EGFR: variants seen among roughly 807,000 people sequenced by gnomAD.
EGFR encodes the protein epidermal growth factor receptor.
In EGFR, 58 loss-of-function variants were observed where a neutral mutation model predicts 143.0. The ratio of observed to expected loss-of-function variants is 0.41; its 90% confidence interval spans 0.33 to 0.50. The LOEUF (loss-of-function observed/expected upper bound fraction) is 0.50. Ranked by LOEUF, EGFR falls within the 20% of genes least tolerant of loss-of-function variation. EGFR has a pLI of 0.39. For missense variants in EGFR, 1,307 were observed against 1,579.0 expected (o/e 0.83, Z 2.92); for synonymous variants, 613 against 594.4 (o/e 1.03, Z -0.45).
intron 1 of EGFR, among the ~76,000 whole-genome samples, chr7:55,033,190 T>C (rs1787361689): frequency 1.3e-5 from 2 of 152,226 alleles, no homozygotes; most frequent in Non-Finnish European, 2.9e-5. Flanking sequence ...ACTCTCTATT[T>C]TGAGGGTAAA....
rs1785633400 is a variant in EGFR at position 55,160,321 on chromosome 7, G to A, written c.1481G>A (p.Arg494Lys). 2.5e-6 allele frequency: 4 copies of A among 1,613,240 alleles called. No individual in the cohort carries two copies. Among genetic ancestry groups the A allele is most frequent in the Admixed American group, 3.3e-5 (2 of 60,002 alleles). Residue 494 changes from arginine (R) to lysine (K), a missense_variant, in exon 12 of 28, where the codon AGA becomes AAA. This residue lies in a region of EGFR where 250 missense variants were observed against 295.1 expected (regional missense o/e 0.85). Coordinates refer to ENST00000275493, the MANE Select transcript of EGFR (RefSeq NM_005228.5). ...SGQKTKIISNRGENSCKATGQ... is the reference protein window; with the variant it reads ...SGQKTKIISNKGENSCKATGQ... ...CAGAAAACCAAAATTATAAGCAACAGAGGTGAAAACAGCTGCAGTAAGTCA... is the reference window on the plus strand; with the variant it reads ...CAGAAAACCAAAATTATAAGCAACAAAGGTGAAAACAGCTGCAGTAAGTCA...
intron 20 of EGFR, 179 bp downstream of exon 20, chr7:55,181,657 C>T (rs1442191218): frequency 2.7e-6 from 2 of 727,656 alleles, no homozygotes; most frequent in East Asian, 2.7e-5. Flanking sequence ...CAAATCAGTG[C>T]CTGTCCCATC....
At chr7:55,181,239 C>G (rs2128958079) in intron 19 of EGFR, 54 bp from the exon 20 acceptor site, 8 of 1,601,118 alleles carry the variant, frequency 5.0e-6, no homozygotes, top group Non-Finnish European at 6.8e-6. Context: ...TCCATGTGCC[C>G]CTCCTTCTGG....
chr7:55,111,635 C>T (rs562221605), intron 1 of EGFR, among the ~76,000 whole-genome samples: 22 of 152,204 alleles, frequency 1.4e-4, no homozygotes, highest in African/African-American at 4.3e-4. Context: ...GGCATTGGCT[C>T]GGGAGTGAGT....
At chr7:55,027,060 A>T (rs904062257) in intron 1 of EGFR, among the ~76,000 whole-genome samples, 2 of 152,164 alleles carry the variant, frequency 1.3e-5, no homozygotes, top group Admixed American at 6.5e-5. Context: ...TGCATGCCAG[A>T]TTTTGAGAAC....
chr7:55,201,268 C>T lies in EGFR; in HGVS notation c.3027C>T (p.Asp1009=), dbSNP rs754193639. The T allele has an allele frequency of 2.8e-5, 45 of 1,614,150 alleles. No individual in the cohort carries two copies. The highest frequency in any genetic ancestry group is 4.5e-5 in the East Asian group (2 of 44,870). The stretch of plus-strand genomic sequence containing the variant: ...TGATGGATGAAGAAGACATGGACGA[C>T]GTGGTGGATGCCGACGAGTACCTCA... ...RALMDEEDMD[D]VVDADEYLIP... Residue 1009 remains aspartate (D), a synonymous_variant, in exon 25 of 28, where the codon GAC becomes GAT. Transcript: ENST00000275493.
At position 55,202,570 on chromosome 7, in the gene EGFR, C is replaced by A. The variant is rs2128973088; in HGVS notation, c.3216C>A (p.Asp1072Glu). The A allele has an allele frequency of 6.2e-7, 1 of 1,613,450 alleles. No homozygotes were observed. Among genetic ancestry groups the A allele is most frequent in the Non-Finnish European group, 8.5e-7 (1 of 1,179,680 alleles). Residue 1072 changes from aspartate to glutamate, a missense_variant, in exon 27 of 28, where the codon GAC becomes GAA. Around this residue, in one of 7 missense-constraint regions of EGFR, gnomAD observed 313 missense variants for 312.3 expected, o/e 1.00. Transcript: ENST00000275493. ...EDSFLQRYSS[D>E]PTGALTEDSI... is the part of the protein sequence containing the mutation. ...GCTTCTTGCAGCGATACAGCTCAGA[C>A]CCCACAGGCGCCTTGACTGAGGACA...
In EGFR at chr7:55,156,741, C is replaced by A. The variant is rs2128938627; in HGVS notation, c.1134-18C>A. On this transcript the variant is annotated intron_variant, in intron 9 of 27. Transcript: ENST00000275493. The stretch of plus-strand genomic sequence containing the variant: ...GGTAGAGATTGGTGATCAATAATCA[C>A]CCTGTTGTTTGTTTCAGTGACTCCT... 6.2e-7 allele frequency: 1 copy of A among 1,614,146 alleles called. No homozygotes were observed. The highest frequency in any genetic ancestry group is 1.6e-4 in the Middle Eastern group (1 of 6,062).
chr7:55,156,018 A>G, intron 8 of EGFR, 72 bp downstream of exon 8: 1 of 984,624 alleles, frequency 1.0e-6, no homozygotes, highest in Admixed American at 1.9e-5. Flanking sequence ...GCCACCTCCA[A>G]AGGAACACAT....
At chr7:55,115,807 T>A (rs1303888174) in intron 1 of EGFR, among the ~76,000 whole-genome samples, 1 of 152,208 alleles carries the variant, frequency 6.6e-6, no homozygotes, top group Non-Finnish European at 1.5e-5. Context: ...GGACTGGATG[T>A]CCCTGGGATT....
At chr7:55,198,499 T>TG (rs1251388534) in intron 22 of EGFR, among the ~76,000 whole-genome samples, 1 of 152,256 alleles carries the variant, frequency 6.6e-6, no homozygotes, top group African/African-American at 2.4e-5. Context: ...ATTATCTTGT[T>TG]GGGTCCTTAC....
At position 55,207,528 on chromosome 7, in the gene EGFR, C is replaced by T. The variant is rs375134220; in HGVS notation, c.*1911C>T. The T allele has an allele frequency of 1.1e-4, 20 of 177,156 alleles. No homozygotes were observed. The East Asian group carries it at 1.5e-3, about 13-fold the overall frequency. The allele number at this position is 177,156 out of a possible 1,614,324, so 11.0% of individuals were successfully genotyped here. On this transcript the variant is annotated 3_prime_UTR_variant, in exon 28 of 28. Transcript: ENST00000275493. ...ACCCATCAGCCAGGCACTGTGAGAGCACAGAGCAGGGAGGTTGGGTCCTGC... is the reference window on the plus strand; with the variant it reads ...ACCCATCAGCCAGGCACTGTGAGAGTACAGAGCAGGGAGGTTGGGTCCTGC...
chr7:55,101,964 C>T (rs528536364), intron 1 of EGFR, among the ~76,000 whole-genome samples: 3 of 152,152 alleles, frequency 2.0e-5, no homozygotes, highest in Non-Finnish European at 4.4e-5. Context: ...TGTGCTATGT[C>T]GGGAAACTCT....
In EGFR at chr7:55,173,902, G is replaced by C. The variant is rs2128953456; in HGVS notation, c.2062-19G>C. ...GAGGGCTGAGGTGACCCTTGTCTCTGTGTTCTTGTCCCCCCCAGCTTGTGG... is the reference window on the plus strand; with the variant it reads ...GAGGGCTGAGGTGACCCTTGTCTCTCTGTTCTTGTCCCCCCCAGCTTGTGG... On this transcript the variant is annotated intron_variant, in intron 17 of 27. Transcript: ENST00000275493. 6.2e-7 allele frequency: 1 copy of C among 1,614,202 alleles called. No individual in the cohort carries two copies. Among genetic ancestry groups the C allele is most frequent in the Non-Finnish European group, 8.5e-7 (1 of 1,180,034 alleles).
At chr7:55,163,614 C>T in intron 13 of EGFR, 119 bp from the exon 14 acceptor site, 1 of 810,808 alleles carries the variant, frequency 1.2e-6, no homozygotes, top group South Asian at 1.4e-5. Flanking sequence ...ACTATATAGT[C>T]CTGGAGTCCC....
intron 1 of EGFR, among the ~76,000 whole-genome samples, chr7:55,093,556 C>T (rs376591404): frequency 3.9e-5 from 6 of 152,172 alleles, no homozygotes; most frequent in African/African-American, 1.2e-4. Context: ...GACCGTGATG[C>T]GCCTCAGCCC....
chr7:55,065,398 T>C (rs1192708421), intron 1 of EGFR, among the ~76,000 whole-genome samples: 2 of 152,236 alleles, frequency 1.3e-5, no homozygotes, highest in Non-Finnish European at 2.9e-5. Flanking sequence ...AAGCCTCTAA[T>C]TTGTTATTCC....
rs780851909 is a variant in EGFR at position 55,156,651 on chromosome 7, A to G, written c.1125A>G (p.Ala375=). The change falls in exon 9 of 28, where the codon GCA becomes GCG. Residue 375 remains alanine, a synonymous_variant. Transcript: ENST00000275493. The part of the protein sequence containing the change: ...ISGDLHILPV[A]FRGDSFTHTP... Reference sequence around the variant, plus strand: ...GCGATCTCCACATCCTGCCGGTGGCATTTAGGGGGTGAGTCACAGGTTCAG... The same window carrying G: ...GCGATCTCCACATCCTGCCGGTGGCGTTTAGGGGGTGAGTCACAGGTTCAG... The G allele has an allele frequency of 6.2e-7, 1 of 1,614,108 alleles. No homozygotes were observed. Among genetic ancestry groups the G allele is most frequent in the Admixed American group, 1.7e-5 (1 of 60,012 alleles).
At chr7:55,082,159 A>G (rs991508358) in intron 1 of EGFR, among the ~76,000 whole-genome samples, 2 of 152,188 alleles carry the variant, frequency 1.3e-5, no homozygotes, top group Non-Finnish European at 2.9e-5. Flanking sequence ...TGATCAAACC[A>G]AAGTTATTTG....
Sources: allele counts gnomAD v4.1 joint callset (sites outside exome capture counted in the v4.1 genomes callset), GRCh38; gene constraint gnomAD v4.1.1; regional missense constraint gnomAD v4.1.1; transcripts MANE v1.5; gene names NCBI Gene and HGNC (gene_info 2026-07-23, HGNC 2026-07-21).